FNDC3A: variants seen among roughly 807,000 people sequenced by gnomAD.
FNDC3A encodes fibronectin type III domain containing 3A.
FNDC3A carries 32 observed loss-of-function variants against 148.9 expected under a neutral mutation model. The observed-to-expected ratio is 0.21, with a 90% confidence interval of 0.16 to 0.29. The LOEUF (loss-of-function observed/expected upper bound fraction) is 0.29. FNDC3A is among the 10% of genes least tolerant of loss of function. FNDC3A has a pLI of 1.00. For synonymous variants in FNDC3A, 472 were observed against 473.6 expected, an observed-to-expected ratio of 1.00 and a Z score of 0.04; for missense variants, 1,191 against 1,452.8, an observed-to-expected ratio of 0.82 and a Z score of 2.93.
intron 3 of FNDC3A, among the ~76,000 whole-genome samples, chr13:49,106,279 A>G (rs1880168209): frequency 1.3e-5 from 2 of 152,146 alleles, no homozygotes; most frequent in Non-Finnish European, 2.9e-5. Context: ...CCATCAGCCT[A>G]TCTTAGTACT....
At chr13:48,999,639 C>T (rs866081681) in intron 1 of FNDC3A, among the ~76,000 whole-genome samples, 10 of 152,016 alleles carry the variant, frequency 6.6e-5, no homozygotes, top group East Asian at 1.9e-4. Flanking sequence ...AGTGTCTCTC[C>T]GGAATTCATA....
intron 2 of FNDC3A, among the ~76,000 whole-genome samples, chr13:49,048,226 T>G (rs1374551848): frequency 3.9e-5 from 6 of 152,104 alleles, no homozygotes; most frequent in Non-Finnish European, 7.4e-5. Flanking sequence ...ATGTGAAGTT[T>G]CCCAGATTTG....
At chr13:48,994,339 C>G (rs1182332420) in intron 1 of FNDC3A, among the ~76,000 whole-genome samples, 1 of 152,124 alleles carries the variant, frequency 6.6e-6, no homozygotes, top group Admixed American at 6.6e-5. Context: ...CTGATTCAAA[C>G]AAGTTTTAAT....
At chr13:49,055,260 C>T (rs1271249142) in intron 2 of FNDC3A, among the ~76,000 whole-genome samples, 1 of 152,050 alleles carries the variant, frequency 6.6e-6, no homozygotes, top group African/African-American at 2.4e-5. Flanking sequence ...TGCACCACTA[C>T]ACCCAGCTAG....
rs1415149297 is a variant in FNDC3A, at chr13:49,110,562, C to G, written c.176-4093C>G. On this transcript the variant is annotated intron_variant, in intron 3 of 25. Coordinates refer to ENST00000492622, the MANE Select transcript of FNDC3A (RefSeq NM_001079673.2). Reference sequence around the variant, plus strand: ...GCCATGTAAATACAAAAAGGTTAGACTATGTAGAGTTATTTTGTAATTTTG... The same window carrying G: ...GCCATGTAAATACAAAAAGGTTAGAGTATGTAGAGTTATTTTGTAATTTTG... 2.0e-5 allele frequency among the ~76,000 whole-genome samples: 3 copies of G among 152,166 alleles called. No homozygotes were observed. The East Asian group carries it at 5.8e-4, about 29-fold the overall frequency.
intron 2 of FNDC3A, among the ~76,000 whole-genome samples, chr13:49,051,231 TTTG>T (rs1486084245): frequency 6.6e-6 from 1 of 152,204 alleles, no homozygotes; most frequent in Non-Finnish European, 1.5e-5. Flanking sequence ...TTTGTTTTGT[TTTG>T]TTTTTTCATT....
At chr13:49,075,486 A>G in intron 3 of FNDC3A, 122 bp downstream of exon 3, 2 of 600,014 alleles carry the variant, frequency 3.3e-6, no homozygotes, top group Non-Finnish European at 6.0e-6. Flanking sequence ...ACAAAAGCAT[A>G]AACTCTGATA....
At chr13:48,994,926 T>G (rs1951996831) in intron 1 of FNDC3A, among the ~76,000 whole-genome samples, 1 of 152,188 alleles carries the variant, frequency 6.6e-6, no homozygotes, top group African/African-American at 2.4e-5. Context: ...CATTATACTA[T>G]TATGTTTACA....
chr13:49,110,225 T>A (rs1448468207), intron 3 of FNDC3A: 2 of 731,026 alleles, frequency 2.7e-6, no homozygotes, highest in Non-Finnish European at 4.1e-6. Flanking sequence ...CCCCTTGCCC[T>A]TTCCTGGGTC....
Position 49,090,465 on chromosome 13 carries a change from G to A in FNDC3A, c.175+15101G>A, listed in dbSNP as rs575024895. On this transcript the variant is annotated intron_variant, in intron 3 of 25. Transcript: ENST00000492622. The stretch of plus-strand genomic sequence containing the variant: ...ACACATCCAGGAGATTGCACAGATC[G>A]GGGGTCTGTGCTTTGACCTCTGACT... Among the ~76,000 whole-genome samples, 356 of 152,132 alleles carry A rather than the reference G, an allele frequency of 2.3e-3. 2 individuals are homozygous for A. The highest frequency in any genetic ancestry group is 3.4e-3 in the Non-Finnish European group (231 of 67,984).
At chr13:49,090,356 G>C (rs12872974) in intron 3 of FNDC3A, among the ~76,000 whole-genome samples, 1 of 152,022 alleles carries the variant, frequency 6.6e-6, no homozygotes, top group Admixed American at 6.5e-5. Context: ...AGAAGTTGCA[G>C]TGAGCCAAGA....
chr13:49,044,754 A>T (rs953295242), intron 2 of FNDC3A: 1 of 421,158 alleles, frequency 2.4e-6, no homozygotes, highest in Admixed American at 2.9e-5. Flanking sequence ...CTAAGTTTGG[A>T]GACATAAAGC....
At chr13:49,137,023 C>T (rs912803489) in intron 6 of FNDC3A, among the ~76,000 whole-genome samples, 2 of 152,020 alleles carry the variant, frequency 1.3e-5, no homozygotes, top group Non-Finnish European at 2.9e-5. Context: ...GACAGGGTCT[C>T]GCTGTTTTGC....
chr13:49,041,414 G>A (rs1167841776), intron 2 of FNDC3A, among the ~76,000 whole-genome samples: 1 of 152,156 alleles, frequency 6.6e-6, no homozygotes, highest in Non-Finnish European at 1.5e-5. Context: ...AAAACCTCAC[G>A]TTACAAGACC....
At chr13:49,033,822 A>G (rs1302753513) in intron 2 of FNDC3A, among the ~76,000 whole-genome samples, 1 of 152,054 alleles carries the variant, frequency 6.6e-6, no homozygotes, top group Non-Finnish European at 1.5e-5. Flanking sequence ...CTGATAGAGT[A>G]TTAAGAGCTA....
At chr13:49,018,517 A>G (rs931942400) in intron 2 of FNDC3A, among the ~76,000 whole-genome samples, 9 of 152,256 alleles carry the variant, frequency 5.9e-5, no homozygotes, top group African/African-American at 4.8e-5. Flanking sequence ...ACTTTTTTCA[A>G]AGTTTTCAAC....
intron 2 of FNDC3A, among the ~76,000 whole-genome samples, chr13:49,035,080 T>C (rs1698612932): frequency 6.6e-6 from 1 of 152,064 alleles, no homozygotes; most frequent in South Asian, 2.1e-4. Context: ...CCTTATATTT[T>C]TTTCTTTAAA....
chr13:48,994,157 A>G (rs1951976693), intron 1 of FNDC3A, among the ~76,000 whole-genome samples: 1 of 152,232 alleles, frequency 6.6e-6, no homozygotes, highest in Non-Finnish European at 1.5e-5. Flanking sequence ...ACTGATATAA[A>G]TTATTGATTT....
intron 1 of FNDC3A, among the ~76,000 whole-genome samples, chr13:49,001,154 A>G (rs1162806366): frequency 1.3e-5 from 2 of 152,224 alleles, no homozygotes; most frequent in African/African-American, 4.8e-5. Context: ...TTTCATGGAC[A>G]TTTATTAGTT....
Sources: gnomAD v4.1 joint callset for allele counts (sites outside exome capture counted in the v4.1 genomes callset) on GRCh38, gnomAD v4.1.1 for gene constraint, MANE v1.5 for transcripts, NCBI Gene and HGNC (gene_info 2026-07-23, HGNC 2026-07-21) for gene names.